Variants in TJP1 observed in about 807,000 individuals in gnomAD.
TJP1 encodes tight junction protein 1.
A neutral mutation model predicts 194.2 loss-of-function variants in TJP1; 43 were observed. The ratio of observed to expected loss-of-function variants is 0.22; its 90% CI spans 0.17 to 0.29. TJP1 has a LOEUF of 0.29. Ranked by LOEUF, TJP1 falls within the 10% of genes least tolerant of loss-of-function variation. The pLI, the probability that TJP1 is intolerant of heterozygous loss-of-function variation, is 1.00. For missense variants in TJP1, 1,971 were observed against 2,185.7 expected (o/e 0.90, Z 1.96); for synonymous variants, 801 against 779.0 (o/e 1.03, Z -0.47).
intron 1 of TJP1, among the ~76,000 whole-genome samples, chr15:29,963,480 A>G (rs766099507): frequency 6.6e-5 from 10 of 152,240 alleles, no homozygotes; most frequent in Admixed American, 2.0e-4. Flanking sequence ...AGCAAGTAAT[A>G]GCTCAATGAA....
In TJP1 at chr15:29,700,299, T is replaced by A; in HGVS notation, c.*1296A>T. 2.5e-6 allele frequency: 1 copy of A among 398,950 alleles called. No individual in the cohort carries two copies. Among genetic ancestry groups the A allele is most frequent in the East Asian group, 3.6e-5 (1 of 28,044 alleles). The allele number at this position is 398,950 out of a possible 1,614,324, so 24.7% of individuals were successfully genotyped here. On this transcript the variant is annotated 3_prime_UTR_variant, in exon 28 of 28. Coordinates refer to ENST00000614355, the MANE Select transcript of TJP1 (RefSeq NM_001330239.4). ...TGCTGATGTGCCATAATAAATTGTC[T>A]ATTAGTAAAAAAATACACTTTAGGG...
At chr15:29,888,405 T>C (rs1485885979) in intron 2 of TJP1, among the ~76,000 whole-genome samples, 2 of 152,114 alleles carry the variant, frequency 1.3e-5, no homozygotes, top group Non-Finnish European at 2.9e-5. Flanking sequence ...CTTTAATCTA[T>C]TCAAAAAAGA....
At position 29,761,220 on chromosome 15, in the gene TJP1, C is replaced by A. The variant is rs374094532; in HGVS notation, c.929G>T (p.Arg310Leu). 2 of 1,613,880 alleles carry A rather than the reference C, an allele frequency of 1.2e-6. No individual in the cohort carries two copies. Among genetic ancestry groups the A allele is most frequent in the Admixed American group, 3.3e-5 (2 of 59,978 alleles). ...CTGGTCAGGAGATCGTGACCGGCTG[C>A]GGCGGGGAGGCCTATCGTGTGATCG... The part of the protein sequence containing the change: ...SGRSHDRPPR[R>L]SRSRSPDQRS... The change falls in exon 8 of 28, where the codon CGC (arginine) becomes CTC (leucine). Residue 310 changes from arginine (R) to leucine (L), a missense_variant. Physicochemically the swap from Arg to Leu is moderately radical, Grantham distance 102. Around this residue, in one of 5 missense-constraint regions of TJP1, gnomAD observed 192 missense variants for 182.3 expected, o/e 1.05. Coordinates refer to ENST00000614355, the MANE Select transcript of TJP1 (RefSeq NM_001330239.4).
rs1248076820 is a variant in TJP1, at chr15:29,753,198, A to G, written c.1010+7941T>C. ...GGGATCTTGCCTAAGATTGCTCAGG[A>G]TATGGCCAGGCGCAGTGGCTCACGC... is the stretch of plus-strand genomic sequence containing the variant. On this transcript the variant is annotated intron_variant, in intron 8 of 27. Transcript: ENST00000614355. Among the ~76,000 whole-genome samples, 2 of 152,166 alleles carry G rather than the reference A, an allele frequency of 1.3e-5. 1 individual carries two copies. Among genetic ancestry groups the G allele is most frequent in the Non-Finnish European group, 2.9e-5 (2 of 68,040 alleles).
rs1157761275 is a variant in TJP1, at chr15:29,834,769, A to C, written c.307-34067T>G. On this transcript the variant is annotated intron_variant, in intron 2 of 28. Transcript: ENST00000356107. ...CAGCTGAGCTTCAAGTGCAGCAAAA[A>C]CCGGCAGAAACCAGGGTCCCCACAG... 2.0e-5 allele frequency among the ~76,000 whole-genome samples: 3 copies of C among 152,160 alleles called. No homozygotes were observed. In the East Asian group the frequency reaches 5.8e-4, roughly 29 times the overall value.
chr15:29,942,773 C>T (rs563071252), intron 2 of TJP1, among the ~76,000 whole-genome samples: 2 of 152,332 alleles, frequency 1.3e-5, no homozygotes, highest in South Asian at 2.1e-4. Context: ...GTTAGCAACA[C>T]AGGCTGTATG....
At chr15:29,930,364 G>A (rs1375481984) in intron 2 of TJP1, among the ~76,000 whole-genome samples, 1 of 152,020 alleles carries the variant, frequency 6.6e-6, no homozygotes, top group Non-Finnish European at 1.5e-5. Context: ...CAAAATCTTA[G>A]GCAACACCAT....
At position 29,761,208 on chromosome 15, in the gene TJP1, C is replaced by T. The variant is rs781474449; in HGVS notation, c.941G>A (p.Arg314Gln). Reference protein sequence around the residue: ...HDRPPRRSRSRSPDQRSEPSD... With the variant: ...HDRPPRRSRSQSPDQRSEPSD... Reference sequence around the variant, plus strand: ...AGGCTCTGACCGCTGGTCAGGAGATCGTGACCGGCTGCGGCGGGGAGGCCT... The same window carrying T: ...AGGCTCTGACCGCTGGTCAGGAGATTGTGACCGGCTGCGGCGGGGAGGCCT... Residue 314 changes from arginine to glutamine, a missense_variant, in exon 8 of 28, where the codon CGA (arginine) becomes CAA (glutamine). Physicochemically the swap from Arg to Gln is conservative, Grantham distance 43 (BLOSUM62 1). Around this residue, in one of 5 missense-constraint regions of TJP1, gnomAD observed 192 missense variants for 182.3 expected, o/e 1.05. Transcript: ENST00000614355. 22 of 1,613,932 alleles carry T rather than the reference C, an allele frequency of 1.4e-5. No individual in the cohort carries two copies. The highest frequency in any genetic ancestry group is 3.3e-5 in the Admixed American group (2 of 59,998).
chr15:29,786,076 A>T (rs2047680200), intron 2 of TJP1, among the ~76,000 whole-genome samples: 1 of 152,220 alleles, frequency 6.6e-6, no homozygotes, highest in Non-Finnish European at 1.5e-5. Context: ...AAGTCACAAG[A>T]TCCAAGCACT....
intron 5 of TJP1, among the ~76,000 whole-genome samples, chr15:29,765,281 T>TTAG (rs995842254): frequency 2.0e-5 from 3 of 152,110 alleles, no homozygotes; most frequent in African/African-American, 4.8e-5. Context: ...TGTTGACAAC[T>TTAG]TCACTGAGAC....
chr15:29,953,140 ATTTT>A lies in TJP1; in HGVS notation c.306+3088_306+3091del, dbSNP rs71416442. Among the ~76,000 whole-genome samples, 10 of 110,970 alleles carry A rather than the reference ATTTT, an allele frequency of 9.0e-5. No homozygotes were observed. The South Asian group carries it at 9.4e-4, about 10-fold the overall frequency. The allele number at this position is 110,970 out of a possible 152,430, so 72.8% of individuals were successfully genotyped here. A position where few individuals can be genotyped will look rare whatever the true frequency, so the allele number is the denominator to read the frequency against. On this transcript the variant is annotated intron_variant, in intron 2 of 28. Coordinates refer to the TJP1 transcript ENST00000356107. ...TTCCTTCTTTCATAAAAGAAGACAG[ATTTT>A]TTTTTTTTTTTTTTTGCAACGGAGT...
intron 23 of TJP1, among the ~76,000 whole-genome samples, chr15:29,712,896 C>G (rs1224838373): frequency 1.3e-5 from 2 of 151,908 alleles, no homozygotes; most frequent in Non-Finnish European, 2.9e-5. Flanking sequence ...TACATTGAGC[C>G]CCTGGGAGGG....
chr15:29,771,425 G>A (rs1246887197), intron 4 of TJP1, among the ~76,000 whole-genome samples: 1 of 152,182 alleles, frequency 6.6e-6, no homozygotes, highest in African/African-American at 2.4e-5. Context: ...ACCACTGTCA[G>A]ATATGTGGTC....
intron 2 of TJP1, among the ~76,000 whole-genome samples, chr15:29,879,004 T>A (rs1371366402): frequency 2.0e-5 from 3 of 151,286 alleles, no homozygotes; most frequent in Non-Finnish European, 4.4e-5. Flanking sequence ...GCGCCTGTAG[T>A]CCCCAGCTAC....
chr15:29,854,868 A>T (rs970884212), intron 2 of TJP1, among the ~76,000 whole-genome samples: 1 of 152,156 alleles, frequency 6.6e-6, no homozygotes, highest in African/African-American at 2.4e-5. Context: ...TAAACAAGAA[A>T]CAGCCAAATA....
chr15:29,843,978 T>C (rs1376512809), intron 2 of TJP1, among the ~76,000 whole-genome samples: 3 of 152,052 alleles, frequency 2.0e-5, no homozygotes, highest in South Asian at 2.1e-4. Context: ...AGAGTGAGAA[T>C]TGAAGGGGAG....
Position 29,822,411 on chromosome 15 carries a change from G to A in TJP1, c.-383C>T. 3 of 994,790 alleles carry A rather than the reference G, an allele frequency of 3.0e-6. No homozygotes were observed. Among genetic ancestry groups the A allele is most frequent in the Non-Finnish European group, 2.4e-6 (2 of 836,172 alleles). 61.6% of individuals were successfully genotyped at this position (994,790 alleles called of 1,614,324 possible). A position where few individuals can be genotyped will look rare whatever the true frequency, so the allele number is the denominator to read the frequency against. ...GCCACGTAACTTCCCGGGAACCGGC[G>A]GCCGCCAAGGAACGCGGCGTCCGCT... On this transcript the variant is annotated 5_prime_UTR_variant, in exon 1 of 28. Transcript: ENST00000614355.
intron 11 of TJP1, among the ~76,000 whole-genome samples, chr15:29,735,588 GA>G (rs79594334): frequency 0.16 from 14,239 of 91,582 alleles, 734 homozygotes; most frequent in South Asian, 0.28. Context: ...CTGTCTCAAG[GA>G]AAAAAAAAAA....
At position 29,733,146 on chromosome 15, in the gene TJP1, T is replaced by C. The variant is rs2043782374; in HGVS notation, c.1684A>G (p.Ile562Val). ...GKLGSWLAIR[I>V]GKNHKEVERG... ...TCTACCTCCTTATGATTTTTACCAA[T>C]TCGAATAGCAAGCCAAGAGCCCAGT... Residue 562 changes from isoleucine (I) to valine (V), a missense_variant, in exon 13 of 28, where the codon ATT (isoleucine) becomes GTT (valine). By Grantham distance (29) the Ile-to-Val change is conservative. Around this residue, in one of 5 missense-constraint regions of TJP1, gnomAD observed 402 missense variants for 484.2 expected, o/e 0.83. Transcript: ENST00000614355. 6.2e-7 allele frequency: 1 copy of C among 1,613,988 alleles called. No individual in the cohort carries two copies. The highest frequency in any genetic ancestry group is 8.5e-7 in the Non-Finnish European group (1 of 1,180,026).
Sources: gnomAD v4.1 joint callset for allele counts (sites outside exome capture counted in the v4.1 genomes callset) on GRCh38, gnomAD v4.1.1 for gene constraint, gnomAD v4.1.1 regional missense constraint, MANE v1.5 for transcripts, NCBI Gene and HGNC (gene_info 2026-07-23, HGNC 2026-07-21) for gene names.